Variants in CAAP1 observed in about 807,000 individuals in gnomAD.
The protein encoded by CAAP1 is conserved anti-apoptotic protein.
In CAAP1, 20 loss-of-function variants were observed where a neutral mutation model predicts 34.0. The ratio of observed to expected loss-of-function variants is 0.59; its 90% CI spans 0.41 to 0.86. The LOEUF (loss-of-function observed/expected upper bound fraction) is 0.86. CAAP1 is among the 40% of genes least tolerant of loss of function. The pLI, the probability that CAAP1 is intolerant of heterozygous loss-of-function variation, is 0.00. For synonymous variants in CAAP1, 213 were observed against 166.7 expected, an observed-to-expected ratio of 1.28 and a Z score of -2.14; for missense variants, 538 against 450.5, an observed-to-expected ratio of 1.19 and a Z score of -1.76.
intron 4 of CAAP1, among the ~76,000 whole-genome samples, chr9:26,865,044 C>G (rs1169314979): frequency 6.6e-6 from 1 of 152,098 alleles, no homozygotes; most frequent in East Asian, 1.9e-4. Flanking sequence ...ACAGTCTGCT[C>G]TTTATATGTG....
At chr9:26,879,943 C>T (rs565643819) in intron 4 of CAAP1, among the ~76,000 whole-genome samples, 3 of 152,262 alleles carry the variant, frequency 2.0e-5, no homozygotes, top group Middle Eastern at 3.4e-3. Flanking sequence ...ACCTTGTGAT[C>T]GTGTGACTCA....
At chr9:26,885,406 G>C (rs116289091) in intron 3 of CAAP1, among the ~76,000 whole-genome samples, 4,688 of 152,028 alleles carry the variant, frequency 0.031, 88 homozygotes, top group Middle Eastern at 0.058. Context: ...TTATATAAAT[G>C]TATACAGACA....
At chr9:26,876,318 T>C (rs952358412) in intron 4 of CAAP1, among the ~76,000 whole-genome samples, 5 of 152,298 alleles carry the variant, frequency 3.3e-5, no homozygotes, top group Non-Finnish European at 5.9e-5. Flanking sequence ...AATCCAGAAG[T>C]CTTCCCATCT....
chr9:26,864,165 T>C (rs1354049692), intron 4 of CAAP1, among the ~76,000 whole-genome samples: 2 of 152,200 alleles, frequency 1.3e-5, no homozygotes, highest in Admixed American at 6.5e-5. Flanking sequence ...CCTATACTTA[T>C]GACTGAGATT....
At chr9:26,873,443 A>C (rs1426366063) in intron 4 of CAAP1, among the ~76,000 whole-genome samples, 1 of 152,212 alleles carries the variant, frequency 6.6e-6, no homozygotes, top group African/African-American at 2.4e-5. Flanking sequence ...TATTTAGAGA[A>C]AGCAATTTTA....
chr9:26,863,843 C>G (rs1339158398), intron 4 of CAAP1, among the ~76,000 whole-genome samples: 1 of 150,170 alleles, frequency 6.7e-6, no homozygotes. Context: ...TTCCAGGAGG[C>G]TGGAGTGCAG....
chr9:26,854,968 T>C (rs1171442529), intron 5 of CAAP1, among the ~76,000 whole-genome samples: 1 of 152,234 alleles, frequency 6.6e-6, no homozygotes, highest in African/African-American at 2.4e-5. Context: ...CACTTTGGAA[T>C]ACAATTAAGC....
intron 4 of CAAP1, among the ~76,000 whole-genome samples, chr9:26,881,343 T>G (rs1368730896): frequency 6.6e-6 from 1 of 152,260 alleles, no homozygotes; most frequent in East Asian, 1.9e-4. Flanking sequence ...ACTTTTGCTG[T>G]GTCCCCACCC....
In CAAP1 at chr9:26,887,390, T is replaced by C; in HGVS notation, c.427A>G (p.Lys143Glu). The C allele has an allele frequency of 1.2e-6, 2 of 1,612,692 alleles. No homozygotes were observed. The highest frequency in any genetic ancestry group is 2.2e-5 in the East Asian group (1 of 44,866). The change falls in exon 2 of 6, where the codon AAA becomes GAA. Residue 143 changes from lysine (K) to glutamate (E), a missense_variant. Lys to Glu is a moderately conservative substitution (Grantham distance 56). Coordinates refer to ENST00000333916, the MANE Select transcript of CAAP1 (RefSeq NM_024828.4). ...LKPVSFYISD[K>E]KEMLQQCFCI... is the part of the protein sequence containing the mutation. ...AAGCACTGCTGAAGCATTTCTTTTT[T>C]GTCTGATATATAGAAACTAACTGGT...
chr9:26,863,356 G>C (rs976254658), intron 4 of CAAP1, among the ~76,000 whole-genome samples: 13 of 152,148 alleles, frequency 8.5e-5, no homozygotes, highest in African/African-American at 2.4e-4. Context: ...ATCCCAGAAA[G>C]TCTTCAATAG....
Position 26,884,793 on chromosome 9 carries a change from A to G in CAAP1, c.665+17T>C. 5 of 1,565,724 alleles carry G rather than the reference A, an allele frequency of 3.2e-6. No individual in the cohort carries two copies. Among genetic ancestry groups the G allele is most frequent in the African/African-American group, 1.4e-5 (1 of 73,672 alleles). On this transcript the variant is annotated intron_variant, in intron 4 of 5. Coordinates refer to ENST00000333916, the MANE Select transcript of CAAP1 (RefSeq NM_024828.4). Reference sequence around the variant, plus strand: ...ACAAAGAAATTTTGAAATAAAAATGAAAGTTTTTAAACTTACTGACTGACT... The same window carrying G: ...ACAAAGAAATTTTGAAATAAAAATGGAAGTTTTTAAACTTACTGACTGACT...
chr9:26,883,763 T>C (rs1051437156), intron 4 of CAAP1, among the ~76,000 whole-genome samples: 2 of 152,158 alleles, frequency 1.3e-5, no homozygotes, highest in African/African-American at 2.4e-5. Flanking sequence ...ATTTAGATAA[T>C]TTAAGAAACT....
chr9:26,884,248 G>GA (rs1587126711), intron 4 of CAAP1, among the ~76,000 whole-genome samples: 3 of 152,216 alleles, frequency 2.0e-5, no homozygotes, highest in South Asian at 4.2e-4. Context: ...CACTAATGAA[G>GA]AAAAAACTAA....
At chr9:26,885,954 T>A in intron 3 of CAAP1, 150 bp downstream of exon 3, 1 of 402,958 alleles carries the variant, frequency 2.5e-6, no homozygotes. Context: ...GTAAACTATA[T>A]TTTTTAGTGC....
intron 1 of CAAP1, among the ~76,000 whole-genome samples, chr9:26,890,394 A>G (rs1437847096): frequency 6.6e-6 from 1 of 151,852 alleles, no homozygotes; most frequent in Non-Finnish European, 1.5e-5. Context: ...AAAAAAGGAA[A>G]CTATTTAAAA....
chr9:26,855,516 G>A (rs2131303870), intron 5 of CAAP1, among the ~76,000 whole-genome samples: 1 of 152,236 alleles, frequency 6.6e-6, no homozygotes, highest in East Asian at 1.9e-4. Flanking sequence ...TGGTTCACTT[G>A]GGGAAGAGTT....
rs150320830 is a variant in CAAP1 at position 26,891,861 on chromosome 9, T to C, written c.303+552A>G. Among the ~76,000 whole-genome samples, 1,261 of 152,246 alleles carry C rather than the reference T, an allele frequency of 8.3e-3. 14 individuals are homozygous for C. The highest frequency in any genetic ancestry group is 0.029 in the African/African-American group (1,189 of 41,582). On this transcript the variant is annotated intron_variant, in intron 1 of 5. Coordinates refer to ENST00000333916, the MANE Select transcript of CAAP1 (RefSeq NM_024828.4). ...AATTTAAAGTACCTATTCATTCATT[T>C]GTTTTCAAACAAATTATGAACTTTT...
chr9:26,882,440 G>A (rs927522669), intron 4 of CAAP1, among the ~76,000 whole-genome samples: 3 of 152,204 alleles, frequency 2.0e-5, no homozygotes, highest in Non-Finnish European at 4.4e-5. Flanking sequence ...GCCTGCAGTT[G>A]CATAGAAGTC....
At chr9:26,877,059 C>T (rs548621830) in intron 4 of CAAP1, among the ~76,000 whole-genome samples, 2 of 152,000 alleles carry the variant, frequency 1.3e-5, no homozygotes, top group African/African-American at 2.4e-5. Flanking sequence ...GAAGCTGAGG[C>T]GGATCACTTG....
Sources: gnomAD v4.1 joint callset for allele counts (sites outside exome capture counted in the v4.1 genomes callset) on GRCh38, gnomAD v4.1.1 for gene constraint, MANE v1.5 for transcripts, NCBI Gene and HGNC (gene_info 2026-07-23, HGNC 2026-07-21) for gene names.